Variants in RC3H1 observed in about 807,000 individuals in gnomAD.
The protein encoded by RC3H1 is roquin-1.
Under a neutral mutation model 138.2 loss-of-function variants are expected in RC3H1, and 50 were observed. The observed-to-expected ratio is 0.36, with a 90% confidence interval of 0.29 to 0.46. The LOEUF (loss-of-function observed/expected upper bound fraction) is 0.46, where lower values mean the gene tolerates loss of function less well. Ranked by LOEUF, RC3H1 falls within the 20% of genes least tolerant of loss-of-function variation. The probability of loss-of-function intolerance (pLI) is 1.00; values close to 1 mark genes in which losing one functional copy is unlikely to be tolerated. For synonymous variants in RC3H1, 462 were observed against 489.1 expected (o/e 0.94, Z 0.73); for missense variants, 1,031 against 1,388.1 (o/e 0.74, Z 4.09).
Position 173,982,780 on chromosome 1 carries a change from T to C in RC3H1, c.715A>G (p.Lys239Glu). The C allele has an allele frequency of 6.2e-7, 1 of 1,613,712 alleles. No individual in the cohort carries two copies. Among genetic ancestry groups the C allele is most frequent in the Non-Finnish European group, 8.5e-7 (1 of 1,179,798 alleles). The stretch of plus-strand genomic sequence containing the variant: ...TGAACAACATGCCCAATGCTAGTTT[T>C]AGAGGCTTGAGGAAACCGTGGCTCC... ...RLEPRFPQAS[K>E]TSIGHVVQLL... The change falls in exon 5 of 20, where the codon AAA becomes GAA. Residue 239 changes from lysine to glutamate, a missense_variant. By Grantham distance (56) the Lys-to-Glu change is moderately conservative. Transcript: ENST00000367696.
At chr1:173,989,655 T>A (rs1661178717) in intron 2 of RC3H1, among the ~76,000 whole-genome samples, 1 of 151,946 alleles carries the variant, frequency 6.6e-6, no homozygotes, top group Admixed American at 6.5e-5. Context: ...GTAGTTTTAG[T>A]TCTTATATTT....
intron 7 of RC3H1, 55 bp from the exon 8 acceptor site, chr1:173,972,682 A>T: frequency 8.7e-7 from 1 of 1,144,402 alleles, no homozygotes; most frequent in Non-Finnish European, 1.3e-6. Flanking sequence ...ATTTTCCCTA[A>T]TATCAAATTA....
chr1:173,955,378 C>T (rs868504233), intron 13 of RC3H1, among the ~76,000 whole-genome samples: 39 of 140,956 alleles, frequency 2.8e-4, no homozygotes, highest in Middle Eastern at 4.6e-3. Flanking sequence ...AGTGCAGTGG[C>T]GCGATCTCGG....
At chr1:174,010,826 C>T (rs1178041387) in intron 1 of RC3H1, among the ~76,000 whole-genome samples, 2 of 152,152 alleles carry the variant, frequency 1.3e-5, no homozygotes, top group Non-Finnish European at 2.9e-5. Context: ...GGATGATACA[C>T]TTGAACAGAA....
At chr1:173,963,553 C>A (rs1659969957) in intron 11 of RC3H1, among the ~76,000 whole-genome samples, 1 of 151,796 alleles carries the variant, frequency 6.6e-6, no homozygotes, top group African/African-American at 2.4e-5. Flanking sequence ...ATTACAGGGC[C>A]CAGAAAAATA....
chr1:173,961,611 G>A, intron 12 of RC3H1, 114 bp downstream of exon 12: 12 of 968,346 alleles, frequency 1.2e-5, no homozygotes, highest in Admixed American at 5.4e-5. Flanking sequence ...AAAAAAAGAA[G>A]CTCTCTTATA....
rs374730868 is a variant in RC3H1, at chr1:173,974,563, A to G, written c.1103-1936T>C. ...CAGAATAATATACCAAGGGAAAAAC[A>G]TCCAAGTTAGAGGGAAGAATAAGTG... On this transcript the variant is annotated intron_variant, in intron 7 of 19. Coordinates refer to ENST00000367696, the MANE Select transcript of RC3H1 (RefSeq NM_172071.4). Among the ~76,000 whole-genome samples, 10 of 152,316 alleles carry G rather than the reference A, an allele frequency of 6.6e-5. No individual in the cohort carries two copies. In the East Asian group the frequency reaches 1.7e-3, roughly 26 times the overall value.
intron 9 of RC3H1, 126 bp from the exon 10 acceptor site, chr1:173,965,246 T>C (rs1660060098): frequency 1.1e-6 from 1 of 904,088 alleles, no homozygotes; most frequent in Non-Finnish European, 1.6e-6. Context: ...AGTGTGTATA[T>C]TTTGCATAAA....
intron 1 of RC3H1, among the ~76,000 whole-genome samples, chr1:173,994,541 A>C (rs1053568334): frequency 6.6e-6 from 1 of 152,186 alleles, no homozygotes; most frequent in African/African-American, 2.4e-5. Context: ...GCTCATGCCT[A>C]TAATTCCAGC....
At chr1:173,977,413 G>A (rs1660634521) in intron 7 of RC3H1, among the ~76,000 whole-genome samples, 1 of 152,172 alleles carries the variant, frequency 6.6e-6, no homozygotes, top group Non-Finnish European at 1.5e-5. Flanking sequence ...TAGAACAAGT[G>A]AAAGGAAAAG....
At position 174,022,082 on chromosome 1, in the gene RC3H1, C is replaced by T; in HGVS notation, c.-151+14G>A. ...CAGCCCCGCTCCCCAAGTCGCCGCC[C>T]GCCGCTCGCTCACCGCGCTGGTCCG... On this transcript the variant is annotated intron_variant, in intron 1 of 19. Transcript: ENST00000367696. This position sits in a 1 kb window ranked among gnomAD's most constrained non-coding sequence, Gnocchi z 4.2. 5.0e-6 allele frequency: 2 copies of T among 396,982 alleles called. No individual in the cohort carries two copies. The highest frequency in any genetic ancestry group is 1.3e-4 in the South Asian group (1 of 7,890). 24.6% of individuals were successfully genotyped at this position (396,982 alleles called of 1,614,324 possible).
At chr1:173,947,090 A>G (rs1659169542) in intron 15 of RC3H1, among the ~76,000 whole-genome samples, 1 of 152,170 alleles carries the variant, frequency 6.6e-6, no homozygotes, top group Admixed American at 6.5e-5. Context: ...CTGTATAATG[A>G]GAATGTTATT....
chr1:173,943,965 C>A (rs536126558), intron 17 of RC3H1, among the ~76,000 whole-genome samples: 2 of 151,804 alleles, frequency 1.3e-5, no homozygotes, highest in African/African-American at 4.8e-5. Context: ...TTGAGATCCA[C>A]CTGGGCAATA....
intron 5 of RC3H1, 86 bp from the exon 6 acceptor site, chr1:173,981,095 T>C: frequency 8.7e-7 from 1 of 1,148,724 alleles, no homozygotes; most frequent in South Asian, 1.5e-5. Flanking sequence ...TGTAACAAAT[T>C]TAGCATCAAC....
chr1:173,939,421 C>CTAGGGAGGCAGAGGCACAAGAA (rs1658736724), intron 19 of RC3H1, among the ~76,000 whole-genome samples: 1 of 148,928 alleles, frequency 6.7e-6, no homozygotes, highest in Admixed American at 6.8e-5. Context: ...TAAAAACCTA[C>CTAGGGAGGCAGAGGCACAAGAA]TAGGGAGGCA....
chr1:174,004,369 C>A lies in RC3H1; in HGVS notation c.-150-11234G>T, dbSNP rs1479429789. On this transcript the variant is annotated intron_variant, in intron 1 of 19. Transcript: ENST00000367696. ...GGCTCAAGTGTTCTCCCATCTCAGC[C>A]TCCAAAATTGTTGAAGTTACAGGCG... 2.0e-5 allele frequency among the ~76,000 whole-genome samples: 3 copies of A among 152,082 alleles called. No homozygotes were observed. In the East Asian group the frequency reaches 5.8e-4, roughly 29 times the overall value.
intron 13 of RC3H1, among the ~76,000 whole-genome samples, chr1:173,956,141 A>G (rs1202947359): frequency 6.6e-6 from 1 of 151,092 alleles, no homozygotes; most frequent in Admixed American, 6.6e-5. Flanking sequence ...AAAAAAAAAA[A>G]AAAAGAAAAA....
At chr1:173,959,829 G>A (rs1177851149) in intron 13 of RC3H1, among the ~76,000 whole-genome samples, 4 of 152,044 alleles carry the variant, frequency 2.6e-5, no homozygotes, top group Middle Eastern at 3.4e-3. Context: ...GTCTAGGCCC[G>A]GCGTGGTGTC....
At chr1:174,012,476 T>C (rs193014346) in intron 1 of RC3H1, among the ~76,000 whole-genome samples, 26 of 152,008 alleles carry the variant, frequency 1.7e-4, no homozygotes, top group African/African-American at 6.3e-4. Flanking sequence ...TAGCCCCAAA[T>C]AGTGGTGATC....
Sources: allele counts gnomAD v4.1 joint callset (sites outside exome capture counted in the v4.1 genomes callset), GRCh38; gene constraint gnomAD v4.1.1; non-coding constraint Gnocchi (gnomAD v3.1); transcripts MANE v1.5; gene names NCBI Gene and HGNC (gene_info 2026-07-23, HGNC 2026-07-21).